ABR: variants seen among roughly 807,000 people sequenced by gnomAD.
ABR encodes the protein active breakpoint cluster region-related protein.
A neutral mutation model predicts 107.2 loss-of-function variants in ABR; 35 were observed. The observed-to-expected ratio is 0.33, with a 90% CI of 0.25 to 0.43. The LOEUF is 0.43. ABR is among the 20% of genes least tolerant of loss of function. ABR has a pLI of 1.00. For synonymous variants in ABR, 498 were observed against 462.0 expected (o/e 1.08, Z -1.00); for missense variants, 815 against 1,115.2 (o/e 0.73, Z 3.83).
intron 1 of ABR, among the ~76,000 whole-genome samples, chr17:1,135,373 TTGTC>T (rs1177132201): frequency 5.7e-4 from 42 of 73,216 alleles, no homozygotes; most frequent in African/African-American, 1.2e-3. Flanking sequence ...CTTTTTCTTT[TTGTC>T]TTTTTTTTTT....
rs544737362 is a variant in ABR, at chr17:1,054,502, T to C, written c.1561+1533A>G. 3.1e-3 allele frequency among the ~76,000 whole-genome samples: 312 copies of C among 101,334 alleles called. 7 individuals carry two copies. The highest frequency in any genetic ancestry group is 0.013 in the African/African-American group (294 of 22,970). 66.5% of individuals were successfully genotyped at this position (101,334 alleles called of 152,430 possible). Reference sequence around the variant, plus strand: ...GGGGGCACAAGGAACCTCAAAGGGATGGGGATACAAGGAACCTCAGGGGAT... The same window carrying C: ...GGGGGCACAAGGAACCTCAAAGGGACGGGGATACAAGGAACCTCAGGGGAT... On this transcript the variant is annotated intron_variant, in intron 14 of 22. Transcript: ENST00000302538.
At chr17:1,036,895 A>G (rs1270258590) in intron 16 of ABR, among the ~76,000 whole-genome samples, 1 of 152,106 alleles carries the variant, frequency 6.6e-6, no homozygotes, top group Non-Finnish European at 1.5e-5. Context: ...GGGTATTTGC[A>G]ATGTTCAGAG....
At chr17:1,224,015 A>T (rs774304131) in intron 1 of ABR, among the ~76,000 whole-genome samples, 4 of 152,250 alleles carry the variant, frequency 2.6e-5, no homozygotes, top group Non-Finnish European at 5.9e-5. Flanking sequence ...GAATTAAAGC[A>T]TACGAAGTGC....
chr17:1,107,709 G>A (rs975068497), intron 2 of ABR, among the ~76,000 whole-genome samples: 1 of 152,154 alleles, frequency 6.6e-6, no homozygotes, highest in Non-Finnish European at 1.5e-5. Flanking sequence ...AAGTGCAGAG[G>A]CCTCCCTGAG....
chr17:1,221,615 C>T (rs2043121187), intron 1 of ABR, among the ~76,000 whole-genome samples: 1 of 152,080 alleles, frequency 6.6e-6, no homozygotes, highest in Non-Finnish European at 1.5e-5. Context: ...CCAGGTTCCA[C>T]GGAAAATCAG....
chr17:1,101,462 C>T (rs999289004), intron 2 of ABR, among the ~76,000 whole-genome samples: 3 of 152,164 alleles, frequency 2.0e-5, no homozygotes, highest in African/African-American at 4.8e-5. Flanking sequence ...CCGACTTTTC[C>T]TCCCTCTCTT....
chr17:1,057,737 C>A, intron 12 of ABR: 1 of 497,734 alleles, frequency 2.0e-6, no homozygotes, highest in Non-Finnish European at 3.7e-6. Flanking sequence ...GAGAGAAAGC[C>A]CAGGCTGGGC....
chr17:1,074,375 C>G (rs1343907901), intron 6 of ABR, among the ~76,000 whole-genome samples: 1 of 151,010 alleles, frequency 6.6e-6, no homozygotes, highest in Admixed American at 6.6e-5. Context: ...CCCAGCCACG[C>G]CCCGCAGAGT....
At chr17:1,207,644 C>T (rs760836741) in intron 1 of ABR, among the ~76,000 whole-genome samples, 60 of 116,718 alleles carry the variant, frequency 5.1e-4, no homozygotes, top group Non-Finnish European at 9.6e-4. Context: ...AGCGAAACTC[C>T]GTCTCAAAAA....
chr17:1,132,980 C>T (rs1346250270), intron 1 of ABR, among the ~76,000 whole-genome samples: 1 of 152,142 alleles, frequency 6.6e-6, no homozygotes, highest in Non-Finnish European at 1.5e-5. Context: ...CAGTGGCTCA[C>T]GCCTGTAACC....
At chr17:1,081,130 G>A (rs772471689) in intron 5 of ABR, among the ~76,000 whole-genome samples, 4 of 152,194 alleles carry the variant, frequency 2.6e-5, no homozygotes, top group Non-Finnish European at 4.4e-5. Flanking sequence ...GTCTGACCCC[G>A]GGATCTTGGG....
intron 16 of ABR, among the ~76,000 whole-genome samples, chr17:1,048,017 C>T (rs968805344): frequency 3.3e-5 from 5 of 152,222 alleles, no homozygotes; most frequent in African/African-American, 1.2e-4. Flanking sequence ...GACCACTCGT[C>T]TCTTGCCTGG....
In ABR at chr17:1,016,475, C is replaced by A. The variant is rs556829546; in HGVS notation, c.1792-3311G>T. On this transcript the variant is annotated intron_variant, in intron 16 of 22. Transcript: ENST00000302538. ...GGGATTACAGGTGCCTGCCACCACG[C>A]CCAGCTAATTTTTTATTTGTAGTGG... Among the ~76,000 whole-genome samples, 15 of 151,938 alleles carry A rather than the reference C, an allele frequency of 9.9e-5. 1 individual carries two copies. The highest frequency in any genetic ancestry group is 8.5e-4 in the Admixed American group (13 of 15,258).
chr17:1,175,632 G>C (rs1039891743), intron 1 of ABR, among the ~76,000 whole-genome samples: 1 of 152,158 alleles, frequency 6.6e-6, no homozygotes, highest in Non-Finnish European at 1.5e-5. Flanking sequence ...TCTTCTCCTT[G>C]AGGCAGACAA....
chr17:1,022,106 C>CAAAAAAAAAAAAAAAAAAAAAAAAAA (rs759234729), intron 16 of ABR, among the ~76,000 whole-genome samples: 1 of 39,232 alleles, frequency 2.5e-5, no homozygotes, highest in Admixed American at 2.8e-4. Context: ...GACTCTGTCT[C>CAAAAAAAAAAAAAAAAAAAAAAAAAA]AAAAAAAAAA....
chr17:1,012,803 T>TG lies in ABR; in HGVS notation c.1852-7dup, dbSNP rs2070736331. On this transcript the variant is annotated splice_region_variant and splice_polypyrimidine_tract_variant and intron_variant, in intron 17 of 22. Transcript: ENST00000302538. ...ATGGAAAATTCCACTTTGATCTGGT[T>TG]GGGGGGTGAGGCAGGTAAAGATTCC... 3.2e-6 allele frequency: 5 copies of TG among 1,570,408 alleles called. No individual in the cohort carries two copies. The highest frequency in any genetic ancestry group is 3.5e-6 in the Non-Finnish European group (4 of 1,155,416).
At chr17:1,180,184 C>A (rs1172657056), upstream of ABR, among the ~76,000 whole-genome samples, 1 of 151,964 alleles carries the variant, frequency 6.6e-6, no homozygotes, top group African/African-American at 2.4e-5. Flanking sequence ...CTCGGGGGGT[C>A]TCCAGGCGGC....
At chr17:1,108,293 C>A (rs1413478878) in intron 2 of ABR, among the ~76,000 whole-genome samples, 2 of 152,230 alleles carry the variant, frequency 1.3e-5, no homozygotes, top group Non-Finnish European at 2.9e-5. Flanking sequence ...GCCACCACTG[C>A]CCTCCAGTTC....
intron 1 of ABR, among the ~76,000 whole-genome samples, chr17:1,134,001 C>G (rs1303430765): frequency 6.6e-6 from 1 of 152,220 alleles, no homozygotes; most frequent in Non-Finnish European, 1.5e-5. Flanking sequence ...AGAACAGAGG[C>G]CGGGCGCGTG....
Sources: gnomAD v4.1 joint callset for allele counts (sites outside exome capture counted in the v4.1 genomes callset) on GRCh38, gnomAD v4.1.1 for gene constraint, MANE v1.5 for transcripts, NCBI Gene and HGNC (gene_info 2026-07-23, HGNC 2026-07-21) for gene names.